Variants in PDE4D observed in about 807,000 individuals in gnomAD.
PDE4D encodes the protein 3',5'-cyclic-AMP phosphodiesterase 4D.
PDE4D carries 24 observed loss-of-function variants against 87.4 expected under a neutral mutation model. The observed-to-expected ratio is 0.27, with a 90% CI of 0.20 to 0.39. The LOEUF (loss-of-function observed/expected upper bound fraction) is 0.39, where lower values mean the gene tolerates loss of function less well. PDE4D is among the 10% of genes least tolerant of loss of function. The pLI, the probability that PDE4D is intolerant of heterozygous loss-of-function variation, is 1.00. For missense variants in PDE4D, 714 were observed against 1,041.0 expected (o/e 0.69, Z 4.32); for synonymous variants, 384 against 383.2 (o/e 1.00, Z -0.02).
chr5:59,298,113 C>CTTTTTTTT (rs759820053), intron 1 of PDE4D, among the ~76,000 whole-genome samples: 1 of 113,012 alleles, frequency 8.8e-6, no homozygotes, highest in Non-Finnish European at 1.8e-5. Context: ...ACAAGTGAAA[C>CTTTTTTTT]TTTTTTTTTT....
chr5:60,232,832 A>T (rs1390037620), intron 1 of PDE4D, among the ~76,000 whole-genome samples: 1 of 151,854 alleles, frequency 6.6e-6, no homozygotes, highest in East Asian at 1.9e-4. Context: ...GCCAACACAG[A>T]GGGTGAGACA....
At position 58,976,482 on chromosome 5, in the gene PDE4D, TAGAGTATATTATTAA is replaced by T; in HGVS notation, c.1708-25_1708-11del. 1 of 1,534,790 alleles carries T rather than the reference TAGAGTATATTATTAA, an allele frequency of 6.5e-7. No homozygotes were observed. Among genetic ancestry groups the T allele is most frequent in the Non-Finnish European group, 8.8e-7 (1 of 1,130,392 alleles). On this transcript the variant is annotated splice_polypyrimidine_tract_variant and intron_variant, in intron 12 of 14. Coordinates refer to ENST00000340635, the MANE Select transcript of PDE4D (RefSeq NM_001104631.2). ...TATCTGTTGCAAGTACCTTAAAATATAGAGTATATTATTAAGTTCAGAGAAAACAGAATTTACACA... is the reference window on the plus strand; with the variant it reads ...TATCTGTTGCAAGTACCTTAAAATATGTTCAGAGAAAACAGAATTTACACA...
intron 1 of PDE4D, among the ~76,000 whole-genome samples, chr5:60,363,719 A>G (rs974272664): frequency 6.6e-6 from 1 of 152,198 alleles, no homozygotes; most frequent in East Asian, 1.9e-4. Context: ...TTGAGACCCA[A>G]ATGAAAAGAA....
At chr5:60,366,720 C>T (rs1561170959) in intron 1 of PDE4D, among the ~76,000 whole-genome samples, 1 of 152,206 alleles carries the variant, frequency 6.6e-6, no homozygotes, top group Non-Finnish European at 1.5e-5. Context: ...TTACTCACCC[C>T]CTGCAGCCCA....
chr5:59,136,312 T>C (rs1302396223), intron 5 of PDE4D, among the ~76,000 whole-genome samples: 2 of 152,172 alleles, frequency 1.3e-5, no homozygotes, highest in Non-Finnish European at 2.9e-5. Context: ...GATGGTGGGA[T>C]TGTAACTTAA....
At chr5:60,150,687 A>T (rs1781430202) in intron 2 of PDE4D, among the ~76,000 whole-genome samples, 1 of 152,208 alleles carries the variant, frequency 6.6e-6, no homozygotes, top group Non-Finnish European at 1.5e-5. Context: ...AGTACTTTGC[A>T]GAAAATAGAT....
rs189161390 is a variant in PDE4D at position 59,924,287 on chromosome 5, G to A, written c.272+64201C>T. On this transcript the variant is annotated intron_variant, in intron 3 of 16. Transcript: ENST00000502484. ...AGTTATTGGCCCTAAAGAGAAGGTGGAGAGAGACATAGGGATAAAAAGTGT... is the reference window on the plus strand; with the variant it reads ...AGTTATTGGCCCTAAAGAGAAGGTGAAGAGAGACATAGGGATAAAAAGTGT... Among the ~76,000 whole-genome samples the A allele has an allele frequency of 1.7e-3, 266 of 152,246 alleles. 2 individuals carry two copies. Among genetic ancestry groups the A allele is most frequent in the African/African-American group, 6.2e-3 (256 of 41,556 alleles).
chr5:60,373,298 C>T (rs1233794091), intron 1 of PDE4D, among the ~76,000 whole-genome samples: 1 of 152,230 alleles, frequency 6.6e-6, no homozygotes, highest in South Asian at 2.1e-4. Context: ...CACATTTCCT[C>T]ACGGCAACAA....
At chr5:60,068,091 T>C (rs1179625595) in intron 2 of PDE4D, among the ~76,000 whole-genome samples, 1 of 152,172 alleles carries the variant, frequency 6.6e-6, no homozygotes, top group Non-Finnish European at 1.5e-5. Context: ...CACCCCAAAG[T>C]GGGATTGCTG....
rs1812944047 is a variant in PDE4D at position 59,525,514 on chromosome 5, C to T, written c.456-309546G>A. ...GGGACTTGCCTTGTCTCAGTCGAGA[C>T]TTTGGACTTGGACTATTGAGTTAAC... is the stretch of plus-strand genomic sequence containing the variant. On this transcript the variant is annotated intron_variant, in intron 1 of 14. Coordinates refer to ENST00000340635, the MANE Select transcript of PDE4D (RefSeq NM_001104631.2). Among the ~76,000 whole-genome samples, 3 of 152,302 alleles carry T rather than the reference C, an allele frequency of 2.0e-5. No individual in the cohort carries two copies. The South Asian group carries it at 6.2e-4, about 32-fold the overall frequency.
intron 1 of PDE4D, among the ~76,000 whole-genome samples, chr5:59,421,785 C>A (rs1794517843): frequency 6.6e-6 from 1 of 151,784 alleles, no homozygotes; most frequent in Non-Finnish European, 1.5e-5. Context: ...TCATTGCCTG[C>A]TAATGGAATG....
At chr5:59,304,762 G>A (rs1162196777) in intron 1 of PDE4D, among the ~76,000 whole-genome samples, 2 of 152,022 alleles carry the variant, frequency 1.3e-5, no homozygotes, top group Admixed American at 1.3e-4. Flanking sequence ...GATCATGGTG[G>A]ATTATCTTTT....
intron 1 of PDE4D, among the ~76,000 whole-genome samples, chr5:60,326,696 G>T (rs543227293): frequency 6.6e-6 from 1 of 152,016 alleles, no homozygotes; most frequent in Non-Finnish European, 1.5e-5. Flanking sequence ...AGAGCTATTC[G>T]CTCACTGACA....
At chr5:59,315,430 C>T (rs1427028430) in intron 1 of PDE4D, among the ~76,000 whole-genome samples, 1 of 152,102 alleles carries the variant, frequency 6.6e-6, no homozygotes, top group African/African-American at 2.4e-5. Context: ...TGACCTTCAT[C>T]CACTAGCCCC....
intron 1 of PDE4D, among the ~76,000 whole-genome samples, chr5:60,413,159 C>A (rs1332395535): frequency 6.6e-6 from 1 of 152,122 alleles, no homozygotes; most frequent in Non-Finnish European, 1.5e-5. Flanking sequence ...TTTATTTATC[C>A]CAGGACATAC....
chr5:60,205,252 G>A (rs1742367280), intron 1 of PDE4D, among the ~76,000 whole-genome samples: 1 of 152,164 alleles, frequency 6.6e-6, no homozygotes, highest in African/African-American at 2.4e-5. Context: ...TGATGGGCCG[G>A]CCCATGGGGT....
At chr5:59,806,923 A>C (rs1360710059) in intron 1 of PDE4D, among the ~76,000 whole-genome samples, 1 of 152,228 alleles carries the variant, frequency 6.6e-6, no homozygotes, top group Non-Finnish European at 1.5e-5. Flanking sequence ...TTTCCTTTAA[A>C]TACGATTTGA....
intron 1 of PDE4D, among the ~76,000 whole-genome samples, chr5:60,498,574 T>C (rs916670629): frequency 6.6e-6 from 1 of 152,236 alleles, no homozygotes; most frequent in Non-Finnish European, 1.5e-5. Context: ...TCTGACTGGC[T>C]GTGGGCAGAG....
chr5:60,485,950 T>C (rs1049535915), intron 1 of PDE4D, among the ~76,000 whole-genome samples: 1 of 152,218 alleles, frequency 6.6e-6, no homozygotes, highest in African/African-American at 2.4e-5. Flanking sequence ...ATCCTCTGAA[T>C]TATATAGGCA....
Sources: allele counts gnomAD v4.1 joint callset (sites outside exome capture counted in the v4.1 genomes callset), GRCh38; gene constraint gnomAD v4.1.1; transcripts MANE v1.5; gene names NCBI Gene and HGNC (gene_info 2026-07-23, HGNC 2026-07-21).